PRKACB: variants seen among roughly 807,000 people sequenced by gnomAD.
PRKACB encodes the protein protein kinase cAMP-activated catalytic subunit beta.
Under a neutral mutation model 51.4 loss-of-function variants are expected in PRKACB, and 16 were observed. That is an observed-to-expected ratio of 0.31 (90% CI 0.21 to 0.47). The LOEUF (loss-of-function observed/expected upper bound fraction) is 0.47, where lower values mean the gene tolerates loss of function less well. Ranked by LOEUF, PRKACB falls within the 20% of genes least tolerant of loss-of-function variation. PRKACB has a pLI of 1.00. For missense variants in PRKACB, 309 were observed against 464.5 expected, an observed-to-expected ratio of 0.67 and a Z score of 3.08; for synonymous variants, 147 against 154.4, an observed-to-expected ratio of 0.95 and a Z score of 0.35.
At chr1:84,179,709 T>C (rs1662559600) in intron 2 of PRKACB, among the ~76,000 whole-genome samples, 1 of 151,948 alleles carries the variant, frequency 6.6e-6, no homozygotes, top group Non-Finnish European at 1.5e-5. Flanking sequence ...AGATCTTAAC[T>C]AGGATCTAAA....
In PRKACB at chr1:84,130,671, A is replaced by G. The variant is rs945224071; in HGVS notation, c.47-48506A>G. On this transcript the variant is annotated intron_variant, in intron 1 of 8. Transcript: ENST00000370688. ...CAACTGACATAAATTTACAGATTGA[A>G]GAAGCTTAGTGAATGCCAAGAAAAC... 6.5e-4 allele frequency among the ~76,000 whole-genome samples: 99 copies of G among 152,202 alleles called. 1 individual carries two copies. Among genetic ancestry groups the G allele is most frequent in the Non-Finnish European group, 4.1e-4 (28 of 68,040 alleles).
chr1:84,213,237 T>G (rs779278421), intron 8 of PRKACB, among the ~76,000 whole-genome samples: 3 of 151,980 alleles, frequency 2.0e-5, no homozygotes, highest in Non-Finnish European at 4.4e-5. Context: ...CTGGAAAGGA[T>G]AGTGGAGAGG....
At chr1:84,106,567 A>G (rs1485764890) in intron 1 of PRKACB, among the ~76,000 whole-genome samples, 2 of 152,188 alleles carry the variant, frequency 1.3e-5, no homozygotes, top group African/African-American at 2.4e-5. Context: ...AGAGCTCTAC[A>G]ATGAAAATTA....
At position 84,236,877 on chromosome 1, in the gene PRKACB, A is replaced by G. The variant is rs772370368; in HGVS notation, c.*1572A>G. 20 of 152,714 alleles carry G rather than the reference A, an allele frequency of 1.3e-4. No homozygotes were observed. The highest frequency in any genetic ancestry group is 4.8e-4 in the African/African-American group (20 of 41,590). The allele number at this position is 152,714 out of a possible 1,614,324, so 9.5% of individuals were successfully genotyped here. On this transcript the variant is annotated 3_prime_UTR_variant, in exon 10 of 10. Transcript: ENST00000370685. Reference sequence around the variant, plus strand: ...TAAACTGGGTTCATTTTAATGATCAATTTACCTGCATATAAAATTTATTTT... The same window carrying G: ...TAAACTGGGTTCATTTTAATGATCAGTTTACCTGCATATAAAATTTATTTT...
At chr1:84,201,942 C>A (rs912964471) in intron 7 of PRKACB, among the ~76,000 whole-genome samples, 1 of 151,902 alleles carries the variant, frequency 6.6e-6, no homozygotes, top group African/African-American at 2.4e-5. Flanking sequence ...CAAACATAAC[C>A]TGTGATTTTT....
At chr1:84,160,873 A>T (rs1656097846) in intron 1 of PRKACB, among the ~76,000 whole-genome samples, 1 of 151,840 alleles carries the variant, frequency 6.6e-6, no homozygotes, top group South Asian at 2.1e-4. Flanking sequence ...CTTCAAATTA[A>T]TTGAGACATT....
At chr1:84,175,810 A>G (rs1489863016) in intron 1 of PRKACB, 2 of 1,570,138 alleles carry the variant, frequency 1.3e-6, no homozygotes, top group South Asian at 1.2e-5. Context: ...TTCCTTTGGT[A>G]TGCTCATTTC....
intron 1 of PRKACB, among the ~76,000 whole-genome samples, chr1:84,122,193 T>C (rs1327912169): frequency 2.0e-5 from 3 of 152,124 alleles, no homozygotes; most frequent in African/African-American, 7.2e-5. Context: ...TGATGTAAAT[T>C]GGCTAATGTT....
At chr1:84,174,877 A>C (rs1660706035) in intron 1 of PRKACB, among the ~76,000 whole-genome samples, 1 of 151,904 alleles carries the variant, frequency 6.6e-6, no homozygotes, top group African/African-American at 2.4e-5. Flanking sequence ...TAATTTGAAG[A>C]TAACTTATTT....
chr1:84,211,636 T>C (rs1273670075), intron 8 of PRKACB, among the ~76,000 whole-genome samples: 1 of 152,178 alleles, frequency 6.6e-6, no homozygotes, highest in Admixed American at 6.5e-5. Flanking sequence ...GGAGAATAGA[T>C]AATTAAAAAT....
intron 9 of PRKACB, among the ~76,000 whole-genome samples, chr1:84,219,182 A>G (rs188541964): frequency 2.7e-3 from 410 of 149,410 alleles, no homozygotes; most frequent in Non-Finnish European, 4.9e-3. Context: ...TGTTGCTTGT[A>G]CTTTTCAGGA....
intron 4 of PRKACB, among the ~76,000 whole-genome samples, chr1:84,184,707 T>A (rs1664581073): frequency 6.6e-6 from 1 of 151,944 alleles, no homozygotes; most frequent in African/African-American, 2.4e-5. Flanking sequence ...AATGAAGACC[T>A]ATGTATTTAA....
intron 1 of PRKACB, among the ~76,000 whole-genome samples, chr1:84,122,898 T>C (rs1312555582): frequency 6.6e-6 from 1 of 152,200 alleles, no homozygotes; most frequent in Non-Finnish European, 1.5e-5. Context: ...AACCTAAACT[T>C]GTGTTTATCT....
At chr1:84,204,762 A>T in intron 8 of PRKACB, 1 of 866,430 alleles carries the variant, frequency 1.2e-6, no homozygotes, top group Non-Finnish European at 1.4e-6. Context: ...TTATATTCAT[A>T]TAAGAAATCC....
chr1:84,182,074 T>A, intron 2 of PRKACB, 126 bp from the exon 3 acceptor site: 2 of 712,718 alleles, frequency 2.8e-6, no homozygotes, highest in Non-Finnish European at 4.0e-6. Flanking sequence ...ATAGCTTTTT[T>A]GTATTGCATT....
chr1:84,228,516 AT>A (rs5775781), intron 9 of PRKACB, among the ~76,000 whole-genome samples: 126,401 of 150,492 alleles, frequency 0.84, 54,088 homozygotes, highest in Non-Finnish European at 0.95. Context: ...GCAGATTATG[AT>A]TTTTTTTTTT....
intron 1 of PRKACB, among the ~76,000 whole-genome samples, chr1:84,137,310 A>G (rs1430626398): frequency 1.3e-5 from 2 of 152,254 alleles, no homozygotes; most frequent in Non-Finnish European, 2.9e-5. Flanking sequence ...AAGTCTGTAT[A>G]CTTTATAATT....
chr1:84,200,408 G>A (rs1394259323), intron 7 of PRKACB, among the ~76,000 whole-genome samples: 2 of 152,068 alleles, frequency 1.3e-5, no homozygotes, highest in Non-Finnish European at 2.9e-5. Flanking sequence ...CATATGGTTT[G>A]CAAATATTTT....
At chr1:84,140,055 G>A (rs560962176), upstream of PRKACB, among the ~76,000 whole-genome samples, 7 of 151,852 alleles carry the variant, frequency 4.6e-5, no homozygotes, top group South Asian at 4.2e-4. Context: ...CTGAGACTCC[G>A]TCTCAAGAAA....
Sources: gnomAD v4.1 joint callset for allele counts (sites outside exome capture counted in the v4.1 genomes callset) on GRCh38, gnomAD v4.1.1 for gene constraint, MANE v1.5 for transcripts, NCBI Gene and HGNC (gene_info 2026-07-23, HGNC 2026-07-21) for gene names.